The following PRKCE variants were observed in gnomAD, a reference collection of about 807,000 sequenced individuals.
PRKCE encodes protein kinase C epsilon type.
Under a neutral mutation model 85.4 loss-of-function variants are expected in PRKCE, and 16 were observed. That is an observed-to-expected ratio of 0.19 (90% CI 0.13 to 0.28). PRKCE has a LOEUF of 0.28. Ranked by LOEUF, PRKCE falls within the 10% of genes least tolerant of loss-of-function variation. The pLI is 1.00. For synonymous variants in PRKCE, 388 were observed against 371.5 expected, an observed-to-expected ratio of 1.04 and a Z score of -0.51; for missense variants, 573 against 975.2, an observed-to-expected ratio of 0.59 and a Z score of 5.49.
At chr2:46,019,193 A>AT (rs1706425890) in intron 10 of PRKCE, among the ~76,000 whole-genome samples, 1 of 152,244 alleles carries the variant, frequency 6.6e-6, no homozygotes, top group Admixed American at 6.5e-5. Context: ...AAAAATATCA[A>AT]TTCCTGGCCA....
At chr2:45,732,212 G>A (rs968860204) in intron 1 of PRKCE, among the ~76,000 whole-genome samples, 2 of 152,122 alleles carry the variant, frequency 1.3e-5, no homozygotes, top group African/African-American at 4.8e-5. Flanking sequence ...ACATCCTAGG[G>A]CAGGCAAAGG....
At chr2:46,052,957 A>G (rs1438605291) in intron 10 of PRKCE, among the ~76,000 whole-genome samples, 3 of 152,356 alleles carry the variant, frequency 2.0e-5, no homozygotes, top group East Asian at 3.9e-4. Flanking sequence ...CTCTCACACC[A>G]TACACAAAAG....
At chr2:45,989,443 G>T (rs1703619097) in intron 6 of PRKCE, among the ~76,000 whole-genome samples, 1 of 152,136 alleles carries the variant, frequency 6.6e-6, no homozygotes, top group African/African-American at 2.4e-5. Context: ...TCCTGGTTTG[G>T]GTACTGCCTA....
intron 2 of PRKCE, among the ~76,000 whole-genome samples, chr2:45,921,683 T>C (rs1363135658): frequency 6.6e-6 from 1 of 152,162 alleles, no homozygotes; most frequent in Non-Finnish European, 1.5e-5. Flanking sequence ...AGTGTTCTGA[T>C]CTACCATGAG....
chr2:46,171,917 C>A (rs1423347145), intron 14 of PRKCE, among the ~76,000 whole-genome samples: 2 of 152,222 alleles, frequency 1.3e-5, no homozygotes, highest in African/African-American at 2.4e-5. Flanking sequence ...GGAAACAGAA[C>A]CCCAGCACAA....
At chr2:46,000,631 C>G (rs970656837) in intron 6 of PRKCE, among the ~76,000 whole-genome samples, 1 of 150,400 alleles carries the variant, frequency 6.6e-6, no homozygotes, top group Non-Finnish European at 1.5e-5. Flanking sequence ...CTATGAGAAT[C>G]TAGTTGAGCT....
intron 6 of PRKCE, among the ~76,000 whole-genome samples, chr2:45,993,338 C>T (rs1260985446): frequency 1.3e-5 from 2 of 152,218 alleles, no homozygotes; most frequent in African/African-American, 4.8e-5. Context: ...CCTTCCTCAC[C>T]ACTTTGCCCT....
At chr2:46,163,578 A>G (rs1281196738) in intron 14 of PRKCE, among the ~76,000 whole-genome samples, 9 of 75,768 alleles carry the variant, frequency 1.2e-4, no homozygotes, top group East Asian at 5.1e-4. Context: ...AAGCTGAGGC[A>G]CACCCCACAG....
At chr2:45,911,631 A>G (rs1003879534) in intron 2 of PRKCE, among the ~76,000 whole-genome samples, 8 of 152,116 alleles carry the variant, frequency 5.3e-5, no homozygotes, top group Admixed American at 3.3e-4. Flanking sequence ...TCCATTTTCT[A>G]TGACTTTAGG....
At chr2:45,899,831 A>T (rs1696440341) in intron 2 of PRKCE, among the ~76,000 whole-genome samples, 1 of 152,190 alleles carries the variant, frequency 6.6e-6, no homozygotes, top group African/African-American at 2.4e-5. Context: ...GAAAAGCCTG[A>T]CACCACCTGG....
intron 1 of PRKCE, among the ~76,000 whole-genome samples, chr2:45,696,824 C>T (rs1046051712): frequency 3.9e-5 from 6 of 152,216 alleles, no homozygotes; most frequent in Non-Finnish European, 5.9e-5. Context: ...GACTTTTAGA[C>T]TCACTGCAGA....
At chr2:45,948,844 T>C (rs1030889063) in intron 2 of PRKCE, among the ~76,000 whole-genome samples, 5 of 152,244 alleles carry the variant, frequency 3.3e-5, no homozygotes, top group African/African-American at 1.2e-4. Context: ...AATTTTACTT[T>C]ATATAAATGG....
chr2:45,677,736 TAAA>T (rs1676589443), intron 1 of PRKCE: 9 of 375,714 alleles, frequency 2.4e-5, no homozygotes, highest in African/African-American at 8.8e-5. Context: ...TTTAGCCTGG[TAAA>T]GATACTCTGG....
rs149711218 is a variant in PRKCE, at chr2:45,725,975, C to G, written c.348+73527C>G. On this transcript the variant is annotated intron_variant, in intron 1 of 14. Coordinates refer to ENST00000306156, the MANE Select transcript of PRKCE (RefSeq NM_005400.3). ...GACTTTGTGGGTTTCAGTACTTCAG[C>G]TGGGAAAGTCACTGCAGATGTGGTA... Among the ~76,000 whole-genome samples, 294 of 152,252 alleles carry G rather than the reference C, an allele frequency of 1.9e-3. 2 individuals are homozygous for G. The highest frequency in any genetic ancestry group is 6.9e-3 in the African/African-American group (288 of 41,546).
intron 7 of PRKCE, among the ~76,000 whole-genome samples, chr2:46,002,985 A>G (rs1253951525): frequency 6.6e-6 from 1 of 152,242 alleles, no homozygotes; most frequent in Non-Finnish European, 1.5e-5. Flanking sequence ...CAGCTGTGAG[A>G]CATTGTCTGC....
chr2:45,711,334 AC>A (rs766497721), intron 1 of PRKCE, among the ~76,000 whole-genome samples: 5 of 152,214 alleles, frequency 3.3e-5, no homozygotes, highest in Non-Finnish European at 5.9e-5. Flanking sequence ...GGACATCATG[AC>A]CAAGAGCGAG....
chr2:46,105,148 C>A (rs1433801012), intron 11 of PRKCE, among the ~76,000 whole-genome samples: 1 of 152,088 alleles, frequency 6.6e-6, no homozygotes, highest in Non-Finnish European at 1.5e-5. Context: ...TAGACAGAAG[C>A]TGCTTCTCCT....
chr2:45,999,095 C>A (rs1043450706), intron 6 of PRKCE, among the ~76,000 whole-genome samples: 3 of 152,100 alleles, frequency 2.0e-5, no homozygotes, highest in Admixed American at 2.0e-4. Flanking sequence ...TGATTTTGGG[C>A]AAACCATTAG....
At chr2:46,006,723 T>C (rs549042952) in intron 8 of PRKCE, among the ~76,000 whole-genome samples, 1 of 152,196 alleles carries the variant, frequency 6.6e-6, no homozygotes, top group Non-Finnish European at 1.5e-5. Context: ...CATCCAGCAT[T>C]ATCTCCCCCA....
Sources: gnomAD v4.1 joint callset for allele counts (sites outside exome capture counted in the v4.1 genomes callset) on GRCh38, gnomAD v4.1.1 for gene constraint, MANE v1.5 for transcripts, NCBI Gene and HGNC (gene_info 2026-07-23, HGNC 2026-07-21) for gene names.